The following FRMD4B variants were observed in gnomAD, a reference collection of about 807,000 sequenced individuals.
FRMD4B encodes the protein FERM domain containing 4B, also known as FERM domain-containing protein 4B.
FRMD4B carries 74 observed loss-of-function variants against 141.5 expected under a neutral mutation model. The observed-to-expected ratio is 0.52, with a 90% CI of 0.43 to 0.63. FRMD4B has a LOEUF of 0.63. FRMD4B is among the 30% of genes least tolerant of loss of function. The pLI, the probability that FRMD4B is intolerant of heterozygous loss-of-function variation, is 0.00. For missense variants in FRMD4B, 1,366 were observed against 1,253.4 expected, an observed-to-expected ratio of 1.09 and a Z score of -1.36; for synonymous variants, 506 against 467.9, an observed-to-expected ratio of 1.08 and a Z score of -1.05.
chr3:69,178,783 G>A (rs2092675740), intron 21 of FRMD4B, among the ~76,000 whole-genome samples: 2 of 151,524 alleles, frequency 1.3e-5, no homozygotes, highest in Admixed American at 6.6e-5. Flanking sequence ...TGTAGCCAGA[G>A]TTGCCTAAGC....
At chr3:69,525,955 G>C (rs1029365878) in intron 1 of FRMD4B, among the ~76,000 whole-genome samples, 2 of 151,946 alleles carry the variant, frequency 1.3e-5, no homozygotes, top group Non-Finnish European at 2.9e-5. Flanking sequence ...CACCATGCTC[G>C]GCCTGTTTCT....
At chr3:69,343,638 G>A (rs1203863284) in intron 1 of FRMD4B, among the ~76,000 whole-genome samples, 1 of 144,394 alleles carries the variant, frequency 6.9e-6, no homozygotes, top group African/African-American at 2.6e-5. Flanking sequence ...GAAGTGCAGT[G>A]GTGTGATCCC....
rs534119883 is a variant in FRMD4B, at chr3:69,295,533, G to C, written c.416+6810C>G. 1.2e-3 allele frequency among the ~76,000 whole-genome samples: 185 copies of C among 152,274 alleles called. 1 individual carries two copies. The highest frequency in any genetic ancestry group is 9.7e-4 in the Non-Finnish European group (66 of 68,026). On this transcript the variant is annotated intron_variant, in intron 4 of 22. Transcript: ENST00000398540. ...GACAGAGTTTCGCCATGATGCCCAG[G>C]CTGGACTTGAACTGGACTCAAGTGC...
rs757161871 is a variant in FRMD4B, at chr3:69,187,850, G to C, written c.1839C>G (p.Pro613=). The C allele has an allele frequency of 3.0e-5, 49 of 1,610,950 alleles. No individual in the cohort carries two copies. The Admixed American group carries it at 8.0e-4, about 26-fold the overall frequency. ...SSVPHSPRIL[P]PKSLGIERIH... is the part of the protein sequence containing the mutation. ...TTCGCTCAATACCAAGAGACTTGGG[G>C]GGAAGAATTCTTGGAGAATGAGGTA... The change falls in exon 19 of 23, where the codon CCC becomes CCG. Residue 613 remains proline (P), a synonymous_variant. Coordinates refer to ENST00000398540, the MANE Select transcript of FRMD4B (RefSeq NM_015123.3).
intron 5 of FRMD4B, among the ~76,000 whole-genome samples, chr3:69,280,187 T>C (rs998871794): frequency 9.9e-5 from 15 of 152,124 alleles, no homozygotes; most frequent in African/African-American, 3.4e-4. Context: ...GGTTCCCCAG[T>C]ATCAGTTTCG....
intron 22 of FRMD4B, among the ~76,000 whole-genome samples, chr3:69,174,100 GCACTC>G (rs1367376674): frequency 6.6e-6 from 1 of 150,816 alleles, no homozygotes; most frequent in Non-Finnish European, 1.5e-5. Flanking sequence ...TCGTGTCACT[GCACTC>G]CAACTTGGGC....
intron 1 of FRMD4B, among the ~76,000 whole-genome samples, chr3:69,348,777 T>C (rs1703035424): frequency 6.6e-6 from 1 of 152,144 alleles, no homozygotes; most frequent in Non-Finnish European, 1.5e-5. Flanking sequence ...TTTGACAAAA[T>C]TCAACAGCCC....
chr3:69,392,322 G>A (rs1463831386), intron 2 of FRMD4B, among the ~76,000 whole-genome samples: 3 of 152,268 alleles, frequency 2.0e-5, no homozygotes, highest in African/African-American at 7.2e-5. Context: ...AGGATGGGGG[G>A]ATTAAGGGAT....
chr3:69,446,634 T>A (rs1686796113), intron 1 of FRMD4B, among the ~76,000 whole-genome samples: 1 of 152,128 alleles, frequency 6.6e-6, no homozygotes, highest in South Asian at 2.1e-4. Context: ...CCAGGCCATG[T>A]GTTATTTTAG....
intron 1 of FRMD4B, among the ~76,000 whole-genome samples, chr3:69,343,577 G>GTTTTTTTTTTT (rs66705405): frequency 4.7e-5 from 6 of 126,540 alleles, no homozygotes; most frequent in Admixed American, 1.6e-4. Flanking sequence ...ACAGTTTTTT[G>GTTTTTTTTTTT]TTTTTTTTTT....
intron 1 of FRMD4B, among the ~76,000 whole-genome samples, chr3:69,314,556 G>A (rs1023122855): frequency 3.3e-5 from 5 of 150,612 alleles, no homozygotes; most frequent in Non-Finnish European, 7.4e-5. Flanking sequence ...TTATTCAGCT[G>A]GGTACAGTGG....
chr3:69,285,100 T>C (rs1373939095), intron 5 of FRMD4B, among the ~76,000 whole-genome samples: 7 of 151,710 alleles, frequency 4.6e-5, no homozygotes, highest in African/African-American at 7.3e-5. Context: ...GAGGTGGAGG[T>C]TGTGGTGAGC....
rs759870090 is a variant in FRMD4B, at chr3:69,182,626, G to A, written c.2011C>T (p.Arg671Ter). 6.2e-7 allele frequency: 1 copy of A among 1,612,992 alleles called. No homozygotes were observed. Among genetic ancestry groups the A allele is most frequent in the Non-Finnish European group, 8.5e-7 (1 of 1,179,638 alleles). Residue 671 changes from arginine to a stop codon, truncating the protein, a stop_gained, in exon 20 of 23, where the codon CGA becomes TGA. Transcript: ENST00000398540. LOFTEE classifies it high-confidence loss of function. ...AAGTGGCTGCTGCTGTAGGCGTTTC[G>A]GGTAAGAACTGGCGTGGTGGGCATG... is the stretch of plus-strand genomic sequence containing the variant. ...RSMPTTPVLT[R>*]NAYSSSHLEP...
intron 21 of FRMD4B, among the ~76,000 whole-genome samples, chr3:69,178,161 A>G (rs2092668893): frequency 6.6e-6 from 1 of 152,208 alleles, no homozygotes; most frequent in Admixed American, 6.5e-5. Flanking sequence ...CTCAAAAACC[A>G]GCACTGCCCT....
chr3:69,231,539 C>T (rs2093305791), intron 7 of FRMD4B, among the ~76,000 whole-genome samples: 1 of 152,234 alleles, frequency 6.6e-6, no homozygotes, highest in Non-Finnish European at 1.5e-5. Context: ...CTGCCCGCCT[C>T]CACCTCCCAA....
At chr3:69,415,223 A>G (rs1050542513) in intron 2 of FRMD4B, among the ~76,000 whole-genome samples, 4 of 152,200 alleles carry the variant, frequency 2.6e-5, no homozygotes, top group Non-Finnish European at 5.9e-5. Flanking sequence ...AATAGTCAAC[A>G]TCTATATTTT....
Position 69,174,812 on chromosome 3 carries a change from C to T in FRMD4B, c.2984+1712G>A, listed in dbSNP as rs569015494. ...GTCAACAAAAAGGCAAGTAAAATTA[C>T]ACAAACACGAAAATAATTTGCAAAT... On this transcript the variant is annotated intron_variant, in intron 22 of 22. Transcript: ENST00000398540. 2.6e-3 allele frequency among the ~76,000 whole-genome samples: 396 copies of T among 152,204 alleles called. 3 individuals carry two copies. Among genetic ancestry groups the T allele is most frequent in the African/African-American group, 8.9e-3 (369 of 41,530 alleles).
chr3:69,270,679 C>T lies in FRMD4B; in HGVS notation c.501+17073G>A, dbSNP rs377438312. Among the ~76,000 whole-genome samples the T allele has an allele frequency of 1.8e-4, 28 of 151,886 alleles. 1 individual carries two copies. The highest frequency in any genetic ancestry group is 6.0e-4 in the African/African-American group (25 of 41,354). On this transcript the variant is annotated intron_variant, in intron 5 of 22. Transcript: ENST00000398540. ...CTCCCAGGTTCAGGTGATTCTCCTG[C>T]CTCAGCCTCCCGAGTAGCTGGGACT...
At chr3:69,393,509 A>G (rs1014028510) in intron 2 of FRMD4B, among the ~76,000 whole-genome samples, 2 of 152,148 alleles carry the variant, frequency 1.3e-5, no homozygotes, top group African/African-American at 4.8e-5. Flanking sequence ...GATCAGGGGG[A>G]AAGGGCTTGC....
Sources: allele counts gnomAD v4.1 joint callset (sites outside exome capture counted in the v4.1 genomes callset), GRCh38; gene constraint gnomAD v4.1.1; transcripts MANE v1.5; gene names NCBI Gene and HGNC (gene_info 2026-07-23, HGNC 2026-07-21).